The following ADGRL3 variants were observed in gnomAD, a reference collection of about 807,000 sequenced individuals.
ADGRL3 encodes adhesion G protein-coupled receptor L3, also known as calcium-independent alpha-latrotoxin receptor 3.
ADGRL3 carries 62 observed loss-of-function variants against 153.5 expected under a neutral mutation model. The observed-to-expected ratio is 0.40, with a 90% CI of 0.33 to 0.50. The LOEUF (loss-of-function observed/expected upper bound fraction) is 0.50. Ranked by LOEUF, ADGRL3 falls within the 20% of genes least tolerant of loss-of-function variation. ADGRL3 has a pLI of 0.47. For missense variants in ADGRL3, 1,641 were observed against 1,859.4 expected (o/e 0.88, Z 2.16); for synonymous variants, 710 against 672.5 (o/e 1.06, Z -0.86).
At chr4:61,906,031 G>A (rs1184682263) in intron 11 of ADGRL3, among the ~76,000 whole-genome samples, 1 of 151,450 alleles carries the variant, frequency 6.6e-6, no homozygotes, top group Non-Finnish European at 1.5e-5. Context: ...TCTCTTTTGA[G>A]TCTCTTTTTA....
intron 18 of ADGRL3, among the ~76,000 whole-genome samples, chr4:61,981,085 G>A (rs1435962134): frequency 1.3e-5 from 2 of 152,096 alleles, no homozygotes; most frequent in African/African-American, 4.8e-5. Flanking sequence ...GTACCATTTT[G>A]TGTTCCCATT....
chr4:61,999,302 T>C (rs2099132443), intron 21 of ADGRL3, among the ~76,000 whole-genome samples: 1 of 152,174 alleles, frequency 6.6e-6, no homozygotes, highest in African/African-American at 2.4e-5. Flanking sequence ...AATATGAAAA[T>C]ATTCACATTA....
chr4:61,279,850 T>C (rs1013884831), intron 1 of ADGRL3, among the ~76,000 whole-genome samples: 2 of 152,140 alleles, frequency 1.3e-5, no homozygotes, highest in South Asian at 4.1e-4. Flanking sequence ...ATATGTGATA[T>C]GGCCAAGTCA....
chr4:61,534,450 CT>C (rs991885310), intron 4 of ADGRL3, among the ~76,000 whole-genome samples: 8 of 151,424 alleles, frequency 5.3e-5, no homozygotes, highest in South Asian at 4.2e-4. Flanking sequence ...AAATTTTAGA[CT>C]TTTTTTTTCT....
In ADGRL3 at chr4:62,071,805, T is replaced by G; in HGVS notation, c.*897T>G. On this transcript the variant is annotated 3_prime_UTR_variant, in exon 27 of 27. Transcript: ENST00000683033. ...CTGGCAAAAAATAAATAAATGGAACTATCACTTTATAAGAATCATTTTCTA... is the reference window on the plus strand; with the variant it reads ...CTGGCAAAAAATAAATAAATGGAACGATCACTTTATAAGAATCATTTTCTA... 2.5e-6 allele frequency: 1 copy of G among 396,668 alleles called. No individual in the cohort carries two copies. Among genetic ancestry groups the G allele is most frequent in the Non-Finnish European group, 4.8e-6 (1 of 207,486 alleles). 24.6% of individuals were successfully genotyped at this position (396,668 alleles called of 1,614,324 possible).
At chr4:61,415,387 A>T (rs965082723) in intron 2 of ADGRL3, among the ~76,000 whole-genome samples, 2 of 152,068 alleles carry the variant, frequency 1.3e-5, no homozygotes, top group Non-Finnish European at 2.9e-5. Flanking sequence ...AGAGTTACTA[A>T]GGAAAGATAA....
At chr4:61,283,705 T>C (rs1298846109) in intron 1 of ADGRL3, among the ~76,000 whole-genome samples, 2 of 151,968 alleles carry the variant, frequency 1.3e-5, no homozygotes, top group Non-Finnish European at 2.9e-5. Context: ...CATAGTAACT[T>C]ACAAATTACT....
chr4:62,076,048 C>G lies in ADGRL3; in HGVS notation c.*5140C>G, dbSNP rs1048274079. ...CACTCTGATTCCATTTATTTACAGC[C>G]TGCAGAAGAAGTAGCTTGTTTACGA... On this transcript the variant is annotated 3_prime_UTR_variant, in exon 27 of 27. Transcript: ENST00000683033. The G allele has an allele frequency of 2.6e-5, 4 of 152,084 alleles. No homozygotes were observed. Among genetic ancestry groups the G allele is most frequent in the South Asian group, 2.1e-4 (1 of 4,832 alleles). The allele number at this position is 152,084 out of a possible 1,614,324, so 9.4% of individuals were successfully genotyped here.
intron 4 of ADGRL3, among the ~76,000 whole-genome samples, chr4:61,545,861 ATCTT>A (rs1483599362): frequency 1.4e-5 from 2 of 143,770 alleles, no homozygotes; most frequent in Admixed American, 1.5e-4. Flanking sequence ...AGTTTCAAAA[ATCTT>A]TCTTATAACC....
intron 23 of ADGRL3, among the ~76,000 whole-genome samples, chr4:62,036,530 G>C (rs1725105485): frequency 6.6e-6 from 1 of 151,854 alleles, no homozygotes; most frequent in Non-Finnish European, 1.5e-5. Flanking sequence ...CTATATCTTT[G>C]ACACAATGAA....
At chr4:61,918,348 G>C (rs2098753748) in intron 13 of ADGRL3, among the ~76,000 whole-genome samples, 2 of 152,136 alleles carry the variant, frequency 1.3e-5, no homozygotes, top group South Asian at 4.1e-4. Flanking sequence ...ATTCTTATTA[G>C]ACATGCAATA....
At chr4:61,727,661 C>T (rs1193425125) in intron 6 of ADGRL3, among the ~76,000 whole-genome samples, 1 of 152,010 alleles carries the variant, frequency 6.6e-6, no homozygotes, top group Non-Finnish European at 1.5e-5. Flanking sequence ...CCCACAATAC[C>T]ACCCATATAC....
chr4:61,271,848 C>T (rs1430906820), intron 1 of ADGRL3, among the ~76,000 whole-genome samples: 1 of 152,002 alleles, frequency 6.6e-6, no homozygotes, highest in Non-Finnish European at 1.5e-5. Flanking sequence ...AATCTTCATT[C>T]TCTTTATAGA....
chr4:61,799,704 A>C (rs933550208), intron 8 of ADGRL3, among the ~76,000 whole-genome samples: 15 of 152,122 alleles, frequency 9.9e-5, no homozygotes, highest in Non-Finnish European at 5.9e-5. Context: ...TTATTCACCA[A>C]GCTGAAGTAC....
intron 2 of ADGRL3, among the ~76,000 whole-genome samples, chr4:61,453,828 T>C (rs921200220): frequency 1.3e-5 from 2 of 152,144 alleles, no homozygotes; most frequent in Non-Finnish European, 2.9e-5. Flanking sequence ...CTTGCTAGTT[T>C]CTTCTAGCTT....
At chr4:61,422,794 T>C (rs1001652888) in intron 2 of ADGRL3, among the ~76,000 whole-genome samples, 43 of 151,358 alleles carry the variant, frequency 2.8e-4, no homozygotes, top group African/African-American at 1.0e-3. Context: ...GCTTCAAGAA[T>C]ATATATAAAT....
intron 5 of ADGRL3, among the ~76,000 whole-genome samples, chr4:61,598,423 C>G (rs1168470267): frequency 2.0e-5 from 3 of 152,158 alleles, no homozygotes; most frequent in Non-Finnish European, 4.4e-5. Flanking sequence ...ATACATATGT[C>G]ATAGCTGTAA....
At chr4:61,333,750 C>A (rs2095620495) in intron 1 of ADGRL3, among the ~76,000 whole-genome samples, 1 of 151,866 alleles carries the variant, frequency 6.6e-6, no homozygotes, top group South Asian at 2.1e-4. Flanking sequence ...GCATGTGCCA[C>A]CATATCCAGC....
intron 4 of ADGRL3, among the ~76,000 whole-genome samples, chr4:61,582,133 C>T (rs1422503710): frequency 6.6e-6 from 1 of 151,960 alleles, no homozygotes; most frequent in Non-Finnish European, 1.5e-5. Flanking sequence ...TGAAGATTTT[C>T]ATCTCTGCTA....
Sources: gnomAD v4.1 joint callset for allele counts (sites outside exome capture counted in the v4.1 genomes callset) on GRCh38, gnomAD v4.1.1 for gene constraint, MANE v1.5 for transcripts, NCBI Gene and HGNC (gene_info 2026-07-23, HGNC 2026-07-21) for gene names.